The following GIT1 variants were observed in gnomAD, a reference collection of about 807,000 sequenced individuals.
The protein encoded by GIT1 is ARF GTPase-activating protein GIT1.
Under a neutral mutation model 91.7 loss-of-function variants are expected in GIT1, and 14 were observed. The ratio of observed to expected loss-of-function variants is 0.15; its 90% CI spans 0.10 to 0.24. GIT1 has a LOEUF of 0.24. GIT1 is among the 10% of genes least tolerant of loss of function. The probability of loss-of-function intolerance (pLI) is 1.00; values close to 1 mark genes in which losing one functional copy is unlikely to be tolerated. For synonymous variants in GIT1, 414 were observed against 418.2 expected (o/e 0.99, Z 0.12); for missense variants, 717 against 1,024.9 (o/e 0.70, Z 4.10).
In GIT1 at chr17:29,574,291, A is replaced by ACCC; in HGVS notation, c.*410_*411insGGG. 1 of 224,838 alleles carries ACCC rather than the reference A, an allele frequency of 4.4e-6. No homozygotes were observed. The highest frequency in any genetic ancestry group is 6.4e-5 in the South Asian group (1 of 15,666). 13.9% of individuals were successfully genotyped at this position (224,838 alleles called of 1,614,324 possible). Reference sequence around the variant, plus strand: ...ATGGAGACTATGTACAAAGGAGGGGATGCCCCCGCTCAGCCCCCAGTAGGG... The same window carrying ACCC: ...ATGGAGACTATGTACAAAGGAGGGGACCCTGCCCCCGCTCAGCCCCCAGTAGGG... On this transcript the variant is annotated 3_prime_UTR_variant, in exon 20 of 20. Transcript: ENST00000225394.
chr17:29,581,479 G>C lies in GIT1; in HGVS notation c.719-99C>G. On this transcript the variant is annotated intron_variant, in intron 6 of 19. Coordinates refer to ENST00000225394, the MANE Select transcript of GIT1 (RefSeq NM_014030.4). The surrounding 1 kb of genome is among the most constrained non-coding windows in gnomAD (Gnocchi z 4.8). ...CCATGAGCAGGGCTGGCACCCAGAA[G>C]TGTCAGGGGAAAGTGGGGAGGGCAG... The C allele has an allele frequency of 1.0e-6, 1 of 998,410 alleles. No individual in the cohort carries two copies. Among genetic ancestry groups the C allele is most frequent in the East Asian group, 2.4e-5 (1 of 41,972 alleles). The allele number at this position is 998,410 out of a possible 1,614,324, so 61.8% of individuals were successfully genotyped here. A position where few individuals can be genotyped will look rare whatever the true frequency, so the allele number is the denominator to read the frequency against.
At chr17:29,578,393 G>C in intron 8 of GIT1, 22 bp from the exon 9 acceptor site, 2 of 1,608,520 alleles carry the variant, frequency 1.2e-6, no homozygotes, top group Non-Finnish European at 8.5e-7. Flanking sequence ...GAGGGGCCCA[G>C]ATGTTGTCAG....
At chr17:29,588,729 C>CTT (rs1158205903) in intron 1 of GIT1, among the ~76,000 whole-genome samples, 1 of 152,230 alleles carries the variant, frequency 6.6e-6, no homozygotes, top group Non-Finnish European at 1.5e-5. Context: ...TAGACTGGCC[C>CTT]TGAACGCCAG....
chr17:29,578,083 C>CT (rs1384409798), intron 9 of GIT1, among the ~76,000 whole-genome samples: 2 of 152,346 alleles, frequency 1.3e-5, no homozygotes, highest in Admixed American at 1.3e-4. Context: ...GAGCCCCAGT[C>CT]TGAGGCTGGG....
rs1303382517 is a variant in GIT1 at position 29,581,224 on chromosome 17, T to TG, written c.761+113dup. On this transcript the variant is annotated intron_variant, in intron 7 of 19. Transcript: ENST00000225394. This position sits in a 1 kb window ranked among gnomAD's most constrained non-coding sequence, Gnocchi z 4.8. ...AGGACTAAGCTGTGCCTCTAGTCTC[T>TG]GGGGGGAGGGAGCAGGGTCCTAGGC... is the stretch of plus-strand genomic sequence containing the variant. 5.1e-6 allele frequency: 4 copies of TG among 784,194 alleles called. No individual in the cohort carries two copies. Among genetic ancestry groups the TG allele is most frequent in the African/African-American group, 5.1e-5 (3 of 58,852 alleles). 48.6% of individuals were successfully genotyped at this position (784,194 alleles called of 1,614,324 possible).
intron 1 of GIT1, among the ~76,000 whole-genome samples, chr17:29,584,048 C>T (rs565441455): frequency 9.2e-5 from 14 of 152,356 alleles, no homozygotes; most frequent in African/African-American, 2.4e-4. Context: ...AGATCACACC[C>T]GTCCACAGGT....
rs549583391 is a variant in GIT1, at chr17:29,578,408, A to G, written c.811-37T>C. 3.1e-6 allele frequency: 5 copies of G among 1,594,778 alleles called. No individual in the cohort carries two copies. In the African/African-American group the frequency reaches 4.0e-5, roughly 13 times the overall value. Reference sequence around the variant, plus strand: ...GAGGGGCCCAGATGTTGTCAGATGCATCGGCTCCCAGTGCCAAGGCCAGCT... The same window carrying G: ...GAGGGGCCCAGATGTTGTCAGATGCGTCGGCTCCCAGTGCCAAGGCCAGCT... On this transcript the variant is annotated intron_variant, in intron 8 of 19. Coordinates refer to ENST00000225394, the MANE Select transcript of GIT1 (RefSeq NM_014030.4).
chr17:29,581,549 C>G lies in GIT1; in HGVS notation c.719-169G>C, dbSNP rs2150843710. On this transcript the variant is annotated intron_variant, in intron 6 of 19. Transcript: ENST00000225394. This position sits in a 1 kb window ranked among gnomAD's most constrained non-coding sequence, Gnocchi z 4.8. Reference sequence around the variant, plus strand: ...GGAGCTCGTGGGAGGATGCAGGATGCCCACCCCCACTCCCTAGCCCCAGCG... The same window carrying G: ...GGAGCTCGTGGGAGGATGCAGGATGGCCACCCCCACTCCCTAGCCCCAGCG... 3 of 703,928 alleles carry G rather than the reference C, an allele frequency of 4.3e-6. No homozygotes were observed. The allele number at this position is 703,928 out of a possible 1,614,324, so 43.6% of individuals were successfully genotyped here.
chr17:29,585,607 G>A (rs1184466459), intron 1 of GIT1, among the ~76,000 whole-genome samples: 2 of 152,168 alleles, frequency 1.3e-5, no homozygotes, highest in Admixed American at 1.3e-4. Context: ...GAGAAGAATG[G>A]TAGGCAAAGG....
At chr17:29,585,134 G>A (rs2033549594) in intron 1 of GIT1, among the ~76,000 whole-genome samples, 6 of 152,014 alleles carry the variant, frequency 3.9e-5, no homozygotes, top group Admixed American at 2.6e-4. Context: ...GAAGGGACCA[G>A]CCTTCTTCGC....
rs190433738 is a variant in GIT1, at chr17:29,586,224, A to C, written c.53-2608T>G. ...AACATGCTTGTCTAACCTGCAGTCC[A>C]TATGCGGCCCAGGCAGCTTTGAATG... On this transcript the variant is annotated intron_variant, in intron 1 of 19. Coordinates refer to ENST00000225394, the MANE Select transcript of GIT1 (RefSeq NM_014030.4). Among the ~76,000 whole-genome samples, 221 of 152,362 alleles carry C rather than the reference A, an allele frequency of 1.5e-3. 3 individuals are homozygous for C. The South Asian group carries it at 0.02, about 14-fold the overall frequency.
intron 1 of GIT1, among the ~76,000 whole-genome samples, chr17:29,587,762 G>A (rs1183891576): frequency 1.3e-5 from 2 of 152,174 alleles, no homozygotes; most frequent in Non-Finnish European, 2.9e-5. Flanking sequence ...TGGGATTACA[G>A]AGTAAGCTGG....
At chr17:29,585,080 G>A (rs564045104) in intron 1 of GIT1, among the ~76,000 whole-genome samples, 1 of 151,444 alleles carries the variant, frequency 6.6e-6, no homozygotes, top group Non-Finnish European at 1.5e-5. Context: ...TGCCCAAGGT[G>A]ACCGCCAACA....
At chr17:29,582,292 C>T (rs1454666112) in intron 4 of GIT1, 148 bp from the exon 5 acceptor site, 8 of 629,168 alleles carry the variant, frequency 1.3e-5, no homozygotes, top group African/African-American at 3.6e-5. Flanking sequence ...AGAGGCTTCC[C>T]GCTAGGGGTT....
chr17:29,576,173 G>C (rs776779101), intron 14 of GIT1, 42 bp from the exon 15 acceptor site: 2 of 1,610,038 alleles, frequency 1.2e-6, no homozygotes, highest in Non-Finnish European at 1.7e-6. Flanking sequence ...GGACCCTGCG[G>C]CAGCCCCACC....
intron 7 of GIT1, among the ~76,000 whole-genome samples, chr17:29,580,518 T>C (rs1195948662): frequency 6.6e-6 from 1 of 152,204 alleles, no homozygotes; most frequent in Non-Finnish European, 1.5e-5. Flanking sequence ...TCTTATGTGC[T>C]GGGTGAGTGG....
In GIT1 at chr17:29,582,689, C is replaced by T. The variant is rs182492370; in HGVS notation, c.405+9G>A. ...GGGGGCCACCCATCTGTTGTAGGGC[C>T]CCTCAAACCTTGCTGAGGTCTTTGG... is the stretch of plus-strand genomic sequence containing the variant. On this transcript the variant is annotated intron_variant, in intron 4 of 19. Transcript: ENST00000225394. 1.2e-3 allele frequency: 1,927 copies of T among 1,576,608 alleles called. 15 individuals are homozygous for T. The highest frequency in any genetic ancestry group is 2.6e-3 in the Admixed American group (154 of 59,964).
Position 29,575,827 on chromosome 17 carries a change from C to A in GIT1, c.1737G>T (p.Glu579Asp), listed in dbSNP as rs745368172. ...GAAACATTACCGTGTGGCGGCTTCC[C>A]TCCTGGGAGCAGGACAGCAGCGGGG... ...PSSPLLSCSQEGSRHTSKLSR... is the reference protein window; with the variant it reads ...PSSPLLSCSQDGSRHTSKLSR... Residue 579 changes from glutamate (E) to aspartate (D), a missense_variant, in exon 16 of 20, where the codon GAG (glutamate) becomes GAT (aspartate). This residue lies in a region of GIT1 where 312 missense variants were observed against 349.5 expected (regional missense o/e 0.89). Coordinates refer to ENST00000225394, the MANE Select transcript of GIT1 (RefSeq NM_014030.4). The surrounding 1 kb of genome is among the most constrained non-coding windows in gnomAD (Gnocchi z 5.5). 6.2e-7 allele frequency: 1 copy of A among 1,612,778 alleles called. No homozygotes were observed. Among genetic ancestry groups the A allele is most frequent in the South Asian group, 1.1e-5 (1 of 90,940 alleles).
At position 29,575,202 on chromosome 17, in the gene GIT1, C is replaced by G; in HGVS notation, c.2010-60G>C. On this transcript the variant is annotated intron_variant, in intron 18 of 19. Transcript: ENST00000225394. This position sits in a 1 kb window ranked among gnomAD's most constrained non-coding sequence, Gnocchi z 5.5. ...TCTCAAGGGAGGTTCCCAGGGACAG[C>G]AGAACCCAGGGCCCCTCATGCTCTC... 1.3e-6 allele frequency: 2 copies of G among 1,552,210 alleles called. No homozygotes were observed. The highest frequency in any genetic ancestry group is 1.8e-6 in the Non-Finnish European group (2 of 1,138,520).
Sources: gnomAD v4.1 joint callset for allele counts (sites outside exome capture counted in the v4.1 genomes callset) on GRCh38, gnomAD v4.1.1 for gene constraint, gnomAD v4.1.1 regional missense constraint, Gnocchi (gnomAD v3.1) non-coding constraint, MANE v1.5 for transcripts, NCBI Gene and HGNC (gene_info 2026-07-23, HGNC 2026-07-21) for gene names.